The following ECPAS variants were observed in gnomAD, a reference collection of about 807,000 sequenced individuals.
ECPAS encodes proteasome adapter and scaffold protein ECM29.
A neutral mutation model predicts 255.1 loss-of-function variants in ECPAS; 70 were observed. The observed-to-expected ratio is 0.27, with a 90% CI of 0.23 to 0.33. ECPAS has a LOEUF of 0.33. Among genes scored for constraint, ECPAS ranks in the 10% least tolerant of loss-of-function variants. The probability of loss-of-function intolerance (pLI) is 1.00; values close to 1 mark genes in which losing one functional copy is unlikely to be tolerated. For synonymous variants in ECPAS, 784 were observed against 775.0 expected, an observed-to-expected ratio of 1.01 and a Z score of -0.19; for missense variants, 1,817 against 2,206.4, an observed-to-expected ratio of 0.82 and a Z score of 3.54.
chr9:111,417,103 G>A (rs1051671216), intron 17 of ECPAS, among the ~76,000 whole-genome samples: 3 of 152,078 alleles, frequency 2.0e-5, no homozygotes, highest in South Asian at 2.1e-4. Flanking sequence ...AGCCAGGCAC[G>A]GTGGTGCACG....
At chr9:111,445,719 G>A (rs547048290) in intron 3 of ECPAS, among the ~76,000 whole-genome samples, 1 of 151,960 alleles carries the variant, frequency 6.6e-6, no homozygotes, top group Non-Finnish European at 1.5e-5. Context: ...GGGTACATGT[G>A]CACAATGTGC....
At chr9:111,454,975 T>C (rs879416602) in intron 2 of ECPAS, among the ~76,000 whole-genome samples, 2 of 152,152 alleles carry the variant, frequency 1.3e-5, no homozygotes, top group Non-Finnish European at 2.9e-5. Context: ...CCTCAAGCGA[T>C]CCTCATACTT....
intron 18 of ECPAS, among the ~76,000 whole-genome samples, chr9:111,415,746 T>TA (rs2098202521): frequency 6.6e-6 from 1 of 150,916 alleles, no homozygotes; most frequent in African/African-American, 2.4e-5. Flanking sequence ...AACCCTTACA[T>TA]AAACAGGCTG....
intron 1 of ECPAS, among the ~76,000 whole-genome samples, chr9:111,476,463 A>C (rs1272729502): frequency 6.6e-6 from 1 of 152,244 alleles, no homozygotes; most frequent in Non-Finnish European, 1.5e-5. Context: ...GCTCTGACCT[A>C]AACTAATTTA....
chr9:111,409,310 G>C (rs1327201951), intron 23 of ECPAS, among the ~76,000 whole-genome samples: 1 of 152,126 alleles, frequency 6.6e-6, no homozygotes, highest in Non-Finnish European at 1.5e-5. Flanking sequence ...TGTAATCCCA[G>C]CACTTTCGGA....
At chr9:111,368,979 GCT>G in intron 46 of ECPAS, 54 bp downstream of exon 46, 1 of 1,410,980 alleles carries the variant, frequency 7.1e-7, no homozygotes, top group Non-Finnish European at 9.4e-7. Context: ...AAAATTCTTC[GCT>G]CTCATTAAGT....
rs764938332 is a variant in ECPAS, at chr9:111,375,190, G to A, written c.4033C>T (p.Leu1345Phe). Residue 1345 changes from leucine to phenylalanine, a missense_variant, in exon 38 of 50, where the codon CTT becomes TTT. Physicochemically the swap from Leu to Phe is conservative, Grantham distance 22 (BLOSUM62 0). This residue lies in a region of ECPAS where 960 missense variants were observed against 1,179.0 expected (regional missense o/e 0.81). Transcript: ENST00000684092. The part of the protein sequence containing the change: ...METINMCLQY[L>F]DVSVLGELVP... Reference sequence around the variant, plus strand: ...AGCTCGCCCAGCACTGACACATCAAGGTATTGCAGGCACTTTTGAAAAAGG... The same window carrying A: ...AGCTCGCCCAGCACTGACACATCAAAGTATTGCAGGCACTTTTGAAAAAGG... 2.5e-6 allele frequency: 4 copies of A among 1,613,416 alleles called. No homozygotes were observed. The highest frequency in any genetic ancestry group is 3.4e-6 in the Non-Finnish European group (4 of 1,179,604).
chr9:111,392,743 T>C, intron 28 of ECPAS, 25 bp downstream of exon 28: 1 of 1,473,114 alleles, frequency 6.8e-7, no homozygotes, highest in Non-Finnish European at 9.5e-7. Flanking sequence ...TGGGCTTGAA[T>C]CTAAAATTTT....
chr9:111,448,725 G>A (rs1243072393), intron 3 of ECPAS, among the ~76,000 whole-genome samples: 1 of 152,146 alleles, frequency 6.6e-6, no homozygotes, highest in African/African-American at 2.4e-5. Context: ...CACTTTGAAG[G>A]ACTGTAACAT....
intron 18 of ECPAS, among the ~76,000 whole-genome samples, chr9:111,415,726 C>CA (rs1160537744): frequency 2.7e-5 from 4 of 148,360 alleles, no homozygotes; most frequent in East Asian, 3.9e-4. Flanking sequence ...ACCAAACAAA[C>CA]AAAAAAAACA....
chr9:111,476,051 A>G (rs2098295878), intron 1 of ECPAS, among the ~76,000 whole-genome samples: 1 of 152,212 alleles, frequency 6.6e-6, no homozygotes, highest in Admixed American at 6.5e-5. Flanking sequence ...GCTCTCTCAG[A>G]AGACACCTGA....
intron 35 of ECPAS, among the ~76,000 whole-genome samples, chr9:111,380,370 T>C (rs1018059533): frequency 6.6e-6 from 1 of 152,192 alleles, no homozygotes; most frequent in Non-Finnish European, 1.5e-5. Context: ...TTGTTTTTGT[T>C]TTTTTAGCAG....
chr9:111,368,026 C>A (rs920544702), intron 46 of ECPAS, among the ~76,000 whole-genome samples: 8 of 149,302 alleles, frequency 5.4e-5, no homozygotes, highest in South Asian at 4.2e-4. Context: ...CAAAGCAAGA[C>A]CCTGTCTCAA....
Position 111,444,450 on chromosome 9 carries a change from G to A in ECPAS, c.198C>T (p.Arg66=), listed in dbSNP as rs1446513476. The A allele has an allele frequency of 6.2e-7, 1 of 1,613,778 alleles. No individual in the cohort carries two copies. The highest frequency in any genetic ancestry group is 1.3e-5 in the African/African-American group (1 of 74,906). The part of the protein sequence containing the change: ...LVHLNKRIKS[R]PKIQLPVETL... Reference sequence around the variant, plus strand: ...TCTCTACTGGAAGTTGTATTTTGGGGCGGCTTTTTATACGTTTATTCAGAT... The same window carrying A: ...TCTCTACTGGAAGTTGTATTTTGGGACGGCTTTTTATACGTTTATTCAGAT... Residue 66 remains arginine, a synonymous_variant, in exon 4 of 50, where the codon CGC becomes CGT. Transcript: ENST00000684092.
rs182791171 is a variant in ECPAS, at chr9:111,409,372, C to T, written c.2550+669G>A. Among the ~76,000 whole-genome samples the T allele has an allele frequency of 1.1e-3, 161 of 152,124 alleles. 5 individuals carry two copies. In the East Asian group the frequency reaches 0.03, roughly 28 times the overall value. On this transcript the variant is annotated intron_variant, in intron 23 of 49. Transcript: ENST00000684092. ...GTCAGGAGTTCGAGACCAGCCTGGCCAACATGGTGAAACCCCATCTCTACT... is the reference window on the plus strand; with the variant it reads ...GTCAGGAGTTCGAGACCAGCCTGGCTAACATGGTGAAACCCCATCTCTACT...
chr9:111,366,137 T>G, intron 48 of ECPAS, 102 bp downstream of exon 48: 1 of 731,842 alleles, frequency 1.4e-6, no homozygotes, highest in Non-Finnish European at 2.3e-6. Flanking sequence ...CAGTAGCTAT[T>G]TCAGAAATTT....
chr9:111,458,019 C>A (rs1357527231), intron 2 of ECPAS, among the ~76,000 whole-genome samples: 3 of 152,138 alleles, frequency 2.0e-5, no homozygotes, highest in Non-Finnish European at 4.4e-5. Context: ...TACATACACA[C>A]ATGAGAAACA....
chr9:111,388,545 A>C (rs919845277), intron 31 of ECPAS, among the ~76,000 whole-genome samples: 1 of 151,876 alleles, frequency 6.6e-6, no homozygotes, highest in Non-Finnish European at 1.5e-5. Flanking sequence ...GGATCATGGA[A>C]TTTATTTAAA....
At chr9:111,481,527 A>G (rs915989069) in intron 1 of ECPAS, among the ~76,000 whole-genome samples, 1 of 152,192 alleles carries the variant, frequency 6.6e-6, no homozygotes, top group African/African-American at 2.4e-5. Context: ...AAGAAAAAAG[A>G]AAACAGTACA....
Sources: allele counts gnomAD v4.1 joint callset (sites outside exome capture counted in the v4.1 genomes callset), GRCh38; gene constraint gnomAD v4.1.1; regional missense constraint gnomAD v4.1.1; transcripts MANE v1.5; gene names NCBI Gene and HGNC (gene_info 2026-07-23, HGNC 2026-07-21).